The following GDPD5 variants were observed in gnomAD, a reference collection of about 807,000 sequenced individuals.
GDPD5 encodes glycerophosphodiester phosphodiesterase domain containing 5.
Under a neutral mutation model 75.1 loss-of-function variants are expected in GDPD5, and 48 were observed. The observed-to-expected ratio is 0.64, with a 90% CI of 0.51 to 0.81. The LOEUF (loss-of-function observed/expected upper bound fraction) is 0.81, where lower values mean the gene tolerates loss of function less well. Among genes scored for constraint, GDPD5 ranks in the 40% least tolerant of loss-of-function variants. The pLI, the probability that GDPD5 is intolerant of heterozygous loss-of-function variation, is 0.00. For missense variants in GDPD5, 706 were observed against 822.6 expected, an observed-to-expected ratio of 0.86 and a Z score of 1.73; for synonymous variants, 336 against 339.0, an observed-to-expected ratio of 0.99 and a Z score of 0.10.
At chr11:75,499,221 G>A (rs1206669382) in intron 1 of GDPD5, among the ~76,000 whole-genome samples, 2 of 152,020 alleles carry the variant, frequency 1.3e-5, no homozygotes, top group East Asian at 3.9e-4. Context: ...AGCAGAACAT[G>A]CACTTGAATT....
intron 3 of GDPD5, among the ~76,000 whole-genome samples, chr11:75,471,625 C>T (rs541105790): frequency 2.0e-4 from 31 of 152,314 alleles, no homozygotes; most frequent in African/African-American, 6.7e-4. Context: ...ACCCTGACCA[C>T]GTCACAGGGT....
In GDPD5 at chr11:75,461,806, G is replaced by A. The variant is rs536197048; in HGVS notation, c.221+980C>T. Among the ~76,000 whole-genome samples the A allele has an allele frequency of 3.3e-5, 5 of 152,352 alleles. No homozygotes were observed. The South Asian group carries it at 8.3e-4, about 25-fold the overall frequency. On this transcript the variant is annotated intron_variant, in intron 4 of 16. Coordinates refer to ENST00000336898, the MANE Select transcript of GDPD5 (RefSeq NM_030792.8). ...AGGAAGGAACAGCAATGGATGGGGA[G>A]TGAGGAGCCAGGCTTCCAAGCCCCA...
At chr11:75,497,870 G>C (rs1406524227) in intron 1 of GDPD5, among the ~76,000 whole-genome samples, 1 of 152,174 alleles carries the variant, frequency 6.6e-6, no homozygotes, top group Non-Finnish European at 1.5e-5. Flanking sequence ...CTCTTTTGCT[G>C]TGTGATCACC....
At chr11:75,495,332 T>C (rs1407856244) in intron 1 of GDPD5, among the ~76,000 whole-genome samples, 2 of 151,002 alleles carry the variant, frequency 1.3e-5, no homozygotes, top group African/African-American at 2.4e-5. Flanking sequence ...AATTTGAATA[T>C]ATATTCAATA....
At chr11:75,465,235 T>C (rs536190239) in intron 3 of GDPD5, among the ~76,000 whole-genome samples, 1 of 152,310 alleles carries the variant, frequency 6.6e-6, no homozygotes, top group East Asian at 1.9e-4. Flanking sequence ...TTATGCCCCA[T>C]GCACAGAATT....
intron 1 of GDPD5, among the ~76,000 whole-genome samples, chr11:75,520,811 G>A (rs897346029): frequency 2.6e-5 from 4 of 152,230 alleles, no homozygotes; most frequent in African/African-American, 9.6e-5. Context: ...CCCTGCCAGT[G>A]ACCCCGCTGT....
At chr11:75,522,931 C>T (rs1297092041) in intron 1 of GDPD5, among the ~76,000 whole-genome samples, 1 of 152,062 alleles carries the variant, frequency 6.6e-6, no homozygotes, top group Non-Finnish European at 1.5e-5. Context: ...TGTCCCCAAG[C>T]AGACTGATTC....
chr11:75,502,475 G>C (rs1349297169), intron 1 of GDPD5, among the ~76,000 whole-genome samples: 1 of 152,214 alleles, frequency 6.6e-6, no homozygotes, highest in Non-Finnish European at 1.5e-5. Context: ...TGATGCCTAG[G>C]CATTGTTCTA....
rs78160046 is a variant in GDPD5, at chr11:75,513,880, A to C, written c.-145+11330T>G. Among the ~76,000 whole-genome samples the C allele has an allele frequency of 3.0e-3, 464 of 152,368 alleles. 3 individuals are homozygous for C. The highest frequency in any genetic ancestry group is 0.011 in the African/African-American group (448 of 41,592). On this transcript the variant is annotated intron_variant, in intron 1 of 16. Coordinates refer to ENST00000336898, the MANE Select transcript of GDPD5 (RefSeq NM_030792.8). ...TGCTCCACTCCTGCTGAGGACCTAG[A>C]GGGCACGGCCTGGCCCAGGTGCCAT...
chr11:75,464,960 C>G (rs1357284169), intron 3 of GDPD5, among the ~76,000 whole-genome samples: 1 of 152,182 alleles, frequency 6.6e-6, no homozygotes, highest in Admixed American at 6.5e-5. Context: ...CCACCACCCT[C>G]CAGCCAGCAC....
chr11:75,466,559 C>T (rs909607189), intron 3 of GDPD5, among the ~76,000 whole-genome samples: 3 of 152,150 alleles, frequency 2.0e-5, no homozygotes, highest in African/African-American at 4.8e-5. Flanking sequence ...CTCAATGCCC[C>T]GGCCACGGCC....
At position 75,435,174 on chromosome 11, in the gene GDPD5, AGG is replaced by A. The variant is rs2135096962; in HGVS notation, c.*331_*332del. ...GAGCATCCACACACTCCATTGCCAC[AGG>A]GGGTATGGCATGGCCCATGACCCAT... On this transcript the variant is annotated 3_prime_UTR_variant, in exon 17 of 17. Coordinates refer to ENST00000336898, the MANE Select transcript of GDPD5 (RefSeq NM_030792.8). 1 of 210,652 alleles carries A rather than the reference AGG, an allele frequency of 4.7e-6. No individual in the cohort carries two copies. Among genetic ancestry groups the A allele is most frequent in the African/African-American group, 2.3e-5 (1 of 43,956 alleles). The allele number at this position is 210,652 out of a possible 1,614,324, so 13.0% of individuals were successfully genotyped here.
At chr11:75,436,480 G>A (rs1327472975) in intron 16 of GDPD5, among the ~76,000 whole-genome samples, 3 of 71,680 alleles carry the variant, frequency 4.2e-5, no homozygotes, top group East Asian at 3.3e-4. Flanking sequence ...CCCGCCCCCC[G>A]CCCGGCACTC....
chr11:75,490,061 A>G (rs1356422639), intron 2 of GDPD5, among the ~76,000 whole-genome samples, 176 bp downstream of exon 2: 2 of 152,204 alleles, frequency 1.3e-5, no homozygotes, highest in Non-Finnish European at 2.9e-5. Context: ...ACTAAGCAAG[A>G]GACAAGTCTA....
At chr11:75,485,264 A>G (rs1949999106) in intron 2 of GDPD5, 1 of 152,206 alleles carries the variant, frequency 6.6e-6, no homozygotes, top group Admixed American at 6.5e-5. Flanking sequence ...AATGATGGAC[A>G]TGTGTCAAAC....
chr11:75,441,623 G>A (rs1191189105), intron 13 of GDPD5, 23 bp downstream of exon 13: 2 of 1,538,692 alleles, frequency 1.3e-6, no homozygotes, highest in Non-Finnish European at 1.7e-6. Flanking sequence ...CTCTCCTGGA[G>A]GAGCCCAGGG....
At chr11:75,491,971 A>C (rs1950117064) in intron 1 of GDPD5, among the ~76,000 whole-genome samples, 1 of 152,122 alleles carries the variant, frequency 6.6e-6, no homozygotes, top group Non-Finnish European at 1.5e-5. Flanking sequence ...TGAAATGACC[A>C]CCAGAAAGTT....
chr11:75,473,679 G>T (rs1025552707), intron 3 of GDPD5, among the ~76,000 whole-genome samples: 1 of 152,160 alleles, frequency 6.6e-6, no homozygotes, highest in East Asian at 1.9e-4. Context: ...TCAGGCTCAG[G>T]CCCACTGAGC....
intron 1 of GDPD5, among the ~76,000 whole-genome samples, chr11:75,509,366 T>G (rs951957337): frequency 6.6e-6 from 1 of 152,284 alleles, no homozygotes. Context: ...GTGTGCGACT[T>G]GTACATAATT....
Sources: gnomAD v4.1 joint callset for allele counts (sites outside exome capture counted in the v4.1 genomes callset) on GRCh38, gnomAD v4.1.1 for gene constraint, MANE v1.5 for transcripts, NCBI Gene and HGNC (gene_info 2026-07-23, HGNC 2026-07-21) for gene names.